The following LIPI variants were observed in gnomAD, a reference collection of about 807,000 sequenced individuals.
LIPI encodes the protein lipase I.
LIPI carries 59 observed loss-of-function variants against 50.6 expected under a neutral mutation model. The ratio of observed to expected loss-of-function variants is 1.16; its 90% CI spans 0.94 to 1.45. The LOEUF is 1.45. Among genes scored for constraint, LIPI ranks in the 40% most tolerant of loss-of-function variants. The pLI is 0.00. For missense variants in LIPI, 586 were observed against 536.3 expected (o/e 1.09, Z -0.92); for synonymous variants, 203 against 178.2 (o/e 1.14, Z -1.11).
At chr21:14,205,510 A>G (rs2020199795) in intron 1 of LIPI, among the ~76,000 whole-genome samples, 1 of 151,946 alleles carries the variant, frequency 6.6e-6, no homozygotes, top group Non-Finnish European at 1.5e-5. Context: ...GCGTATATAT[A>G]ATACACTGTA....
At chr21:14,124,161 C>A (rs187905486) in intron 9 of LIPI, among the ~76,000 whole-genome samples, 1 of 152,240 alleles carries the variant, frequency 6.6e-6, no homozygotes, top group Non-Finnish European at 1.5e-5. Context: ...ACTATTGAAG[C>A]AATAGTGGAC....
chr21:14,172,788 G>A (rs1424608122), intron 4 of LIPI, among the ~76,000 whole-genome samples: 3 of 151,836 alleles, frequency 2.0e-5, no homozygotes, highest in Non-Finnish European at 2.9e-5. Flanking sequence ...AATGGGTGCA[G>A]CACACCAGCA....
chr21:14,134,349 C>G (rs2017412585), intron 9 of LIPI, among the ~76,000 whole-genome samples: 1 of 151,948 alleles, frequency 6.6e-6, no homozygotes, highest in Admixed American at 6.6e-5. Flanking sequence ...AAATCAGTAT[C>G]ATTAAAATGA....
intron 1 of LIPI, among the ~76,000 whole-genome samples, chr21:14,198,417 G>A (rs1474247208): frequency 6.6e-6 from 1 of 151,910 alleles, no homozygotes; most frequent in Admixed American, 6.6e-5. Flanking sequence ...ATAAAGGGAT[G>A]GAGAAGAATC....
intron 9 of LIPI, among the ~76,000 whole-genome samples, chr21:14,122,152 G>A (rs751648211): frequency 2.6e-5 from 4 of 152,164 alleles, no homozygotes; most frequent in Non-Finnish European, 4.4e-5. Flanking sequence ...TAACAGGCAC[G>A]GGAGGAAACC....
At chr21:14,115,040 T>G (rs1365608621) in intron 9 of LIPI, among the ~76,000 whole-genome samples, 1 of 152,172 alleles carries the variant, frequency 6.6e-6, no homozygotes, top group East Asian at 1.9e-4. Flanking sequence ...TTTACAAGTA[T>G]AATCAAAGAC....
rs1049235293 is a variant in LIPI at position 14,205,495 on chromosome 21, A to G, written c.46+5305T>C. Among the ~76,000 whole-genome samples the G allele has an allele frequency of 7.9e-5, 12 of 152,076 alleles. 1 individual carries two copies. Among genetic ancestry groups the G allele is most frequent in the Admixed American group, 3.3e-4 (5 of 15,252 alleles). Reference sequence around the variant, plus strand: ...TTATATAGTACTCATTTTATCCATGATATAGCGTATATATAATACACTGTA... The same window carrying G: ...TTATATAGTACTCATTTTATCCATGGTATAGCGTATATATAATACACTGTA... On this transcript the variant is annotated intron_variant, in intron 1 of 9. Transcript: ENST00000681601.
chr21:14,136,302 A>G (rs2123024101), intron 9 of LIPI, among the ~76,000 whole-genome samples: 1 of 152,252 alleles, frequency 6.6e-6, no homozygotes, highest in Non-Finnish European at 1.5e-5. Context: ...CTTGGATGGC[A>G]TTTCTGGACC....
intron 3 of LIPI, 150 bp downstream of exon 3, chr21:14,185,811 A>G: frequency 1.7e-6 from 1 of 575,842 alleles, no homozygotes. Flanking sequence ...TAAGCCCACG[A>G]AGCAGAGGTT....
chr21:14,204,131 A>G (rs940698016), intron 1 of LIPI, among the ~76,000 whole-genome samples: 3 of 152,140 alleles, frequency 2.0e-5, no homozygotes, highest in African/African-American at 7.2e-5. Flanking sequence ...TATCTAATGG[A>G]TGCTAGGCTT....
At chr21:14,123,262 GA>G (rs1371259547) in intron 9 of LIPI, among the ~76,000 whole-genome samples, 2 of 152,204 alleles carry the variant, frequency 1.3e-5, no homozygotes, top group Non-Finnish European at 2.9e-5. Context: ...AAGAGTCTAA[GA>G]ACAAGACACA....
chr21:14,159,565 AT>A (rs538643934), intron 7 of LIPI, among the ~76,000 whole-genome samples: 173 of 149,620 alleles, frequency 1.2e-3, no homozygotes, highest in South Asian at 9.3e-3. Context: ...AAAAGATTGG[AT>A]TTTTTTTTTC....
At chr21:14,207,885 ATAGAG>A (rs1167415249) in intron 1 of LIPI, among the ~76,000 whole-genome samples, 1 of 152,186 alleles carries the variant, frequency 6.6e-6, no homozygotes, top group Admixed American at 6.5e-5. Context: ...GAGCTTCACA[ATAGAG>A]TGAGATAGTA....
chr21:14,197,683 T>C (rs2019909230), intron 1 of LIPI, among the ~76,000 whole-genome samples: 3 of 152,036 alleles, frequency 2.0e-5, no homozygotes, highest in African/African-American at 7.2e-5. Context: ...TAGAACAAAA[T>C]TGGAAAACAT....
At chr21:14,111,852 TG>T (rs1780091021) in intron 9 of LIPI, among the ~76,000 whole-genome samples, 1 of 111,848 alleles carries the variant, frequency 8.9e-6, no homozygotes, top group African/African-American at 3.4e-5. Context: ...CATTTTGTTT[TG>T]TTTTTTTAAA....
rs1340453540 is a variant in LIPI at position 14,189,230 on chromosome 21, A to G, written c.236T>C (p.Leu79Pro). 3.1e-6 allele frequency: 5 copies of G among 1,613,938 alleles called. No homozygotes were observed. In the South Asian group the frequency reaches 5.5e-5, roughly 18 times the overall value. The change falls in exon 2 of 10, where the codon CTT becomes CCT. Residue 79 changes from leucine to proline, a missense_variant. By Grantham distance (98) the Leu-to-Pro change is moderately conservative (BLOSUM62 -3). Coordinates refer to ENST00000681601, the MANE Select transcript of LIPI (RefSeq NM_001302998.2). ...GCCTACTGGTCTGTATCCGTGAATA[A>G]GCCAGACTGTTTTCTTTTGTGTGTT... is the stretch of plus-strand genomic sequence containing the variant. ...NFNTQKKTVW[L>P]IHGYRPVGSI... is the part of the protein sequence containing the mutation.
intron 1 of LIPI, among the ~76,000 whole-genome samples, chr21:14,200,637 C>T (rs1009015263): frequency 2.6e-5 from 4 of 151,950 alleles, no homozygotes; most frequent in Non-Finnish European, 4.4e-5. Flanking sequence ...GAAAAACATA[C>T]CATGCTCATG....
In LIPI at chr21:14,189,416, T is replaced by C; in HGVS notation, c.50A>G (p.Asn17Ser). ...AGAGAATTCAAGGCATGGTCTTTTA[T>C]TATCTGAAATAAGAAAATGTCAGTC... Reference protein sequence around the residue: ...LCLMCWVRSDNKRPCLEFSQL... With the variant: ...LCLMCWVRSDSKRPCLEFSQL... The change falls in exon 2 of 10, where the codon AAT (asparagine) becomes AGT (serine). Residue 17 changes from asparagine (N) to serine (S), a missense_variant. Asn to Ser is a conservative substitution (Grantham distance 46, BLOSUM62 1). Transcript: ENST00000681601. 6.2e-7 allele frequency: 1 copy of C among 1,612,208 alleles called. No homozygotes were observed. The highest frequency in any genetic ancestry group is 8.5e-7 in the Non-Finnish European group (1 of 1,178,504).
At chr21:14,131,919 C>T (rs1023195393) in intron 9 of LIPI, among the ~76,000 whole-genome samples, 7 of 152,024 alleles carry the variant, frequency 4.6e-5, no homozygotes, top group Non-Finnish European at 1.0e-4. Context: ...ATACAAAATA[C>T]ATCCAAAAGC....
Sources: allele counts gnomAD v4.1 joint callset (sites outside exome capture counted in the v4.1 genomes callset), GRCh38; gene constraint gnomAD v4.1.1; transcripts MANE v1.5; gene names NCBI Gene and HGNC (gene_info 2026-07-23, HGNC 2026-07-21).